The following SEPTIN3 variants were observed in gnomAD, a reference collection of about 807,000 sequenced individuals.
SEPTIN3 encodes the protein septin 3, also known as neuronal-specific septin-3.
SEPTIN3 carries 15 observed loss-of-function variants against 45.1 expected under a neutral mutation model. The observed-to-expected ratio is 0.33, with a 90% CI of 0.22 to 0.51. The LOEUF is 0.51. Ranked by LOEUF, SEPTIN3 falls within the 20% of genes least tolerant of loss-of-function variation. SEPTIN3 has a pLI of 0.97. For missense variants in SEPTIN3, 289 were observed against 457.2 expected (o/e 0.63, Z 3.35); for synonymous variants, 148 against 164.8 (o/e 0.90, Z 0.78).
chr22:41,982,081 C>A lies in SEPTIN3; in HGVS notation c.1696+245C>A, dbSNP rs77694682. On this transcript the variant is annotated intron_variant, in intron 3 of 11. Transcript: ENST00000644076. ...TCACCAGCTCGGTGTACACAGGCAG[C>A]CCCTTCACCACTCTGATCCTGCTTT... 7.0e-4 allele frequency: 368 copies of A among 528,150 alleles called. 2 individuals carry two copies. The highest frequency in any genetic ancestry group is 6.2e-3 in the African/African-American group (328 of 52,812). 32.7% of individuals were successfully genotyped at this position (528,150 alleles called of 1,614,324 possible). A position where few individuals can be genotyped will look rare whatever the true frequency, so the allele number is the denominator to read the frequency against.
In SEPTIN3 at chr22:41,994,826, C is replaced by T. The variant is rs2078397785; in HGVS notation, c.2505+112C>T. The T allele has an allele frequency of 6.9e-6, 11 of 1,603,998 alleles. No homozygotes were observed. The highest frequency in any genetic ancestry group is 8.5e-6 in the Non-Finnish European group (10 of 1,176,480). ...ACATCCCAAATACCACCACCAACCA[C>T]CTTCTTCCTCTCAACTCTGTCCCAC... On this transcript the variant is annotated intron_variant, in intron 11 of 11. Coordinates refer to ENST00000644076, the MANE Select transcript of SEPTIN3 (RefSeq NM_001363845.2). The surrounding 1 kb of genome is among the most constrained non-coding windows in gnomAD (Gnocchi z 4.2).
chr22:41,971,404 G>A (rs1168818106), intron 1 of SEPTIN3, 70 bp from the exon 2 acceptor site: 3 of 398,312 alleles, frequency 7.5e-6, no homozygotes, highest in Non-Finnish European at 8.8e-6. Flanking sequence ...GTCAGGAAGG[G>A]GAGAGCTGAG....
At chr22:41,993,257 C>T (rs187044951) in intron 9 of SEPTIN3, among the ~76,000 whole-genome samples, 11 of 152,106 alleles carry the variant, frequency 7.2e-5, no homozygotes, top group African/African-American at 1.7e-4. Context: ...ACCAAAGCAC[C>T]GGAAGCTCAG....
At chr22:41,969,754 C>T (rs2077939223) in intron 1 of SEPTIN3, 77 bp downstream of exon 1, 1 of 151,008 alleles carries the variant, frequency 6.6e-6, no homozygotes, top group African/African-American at 2.4e-5. Flanking sequence ...GGGGAAGGAC[C>T]AAGCAATCCA....
At chr22:41,970,704 CA>C (rs1462178436) in intron 1 of SEPTIN3, among the ~76,000 whole-genome samples, 1 of 152,208 alleles carries the variant, frequency 6.6e-6, no homozygotes, top group Non-Finnish European at 1.5e-5. Flanking sequence ...AGCCCCAGCT[CA>C]GGTCTAGCCT....
intron 2 of SEPTIN3, chr22:41,977,042 G>A: frequency 6.2e-7 from 1 of 1,600,008 alleles, no homozygotes. Context: ...TCTCCCTGGA[G>A]GAACGGAGAC....
At position 41,972,047 on chromosome 22, in the gene SEPTIN3, C is replaced by G. The variant is rs1228512086; in HGVS notation, c.555C>G (p.Pro185=). ...KSNRMLATEK[P]LVSSYLALPF... is the part of the protein sequence containing the mutation. ...ACAGGATGCTTGCCACGGAGAAGCC[C>G]CTGGTGAGTTCCTACCTAGCCTTAC... The change falls in exon 2 of 12, where the codon CCC becomes CCG. Residue 185 remains proline, a synonymous_variant. Coordinates refer to ENST00000644076, the MANE Select transcript of SEPTIN3 (RefSeq NM_001363845.2). 1 of 398,984 alleles carries G rather than the reference C, an allele frequency of 2.5e-6. No individual in the cohort carries two copies. Among genetic ancestry groups the G allele is most frequent in the Non-Finnish European group, 4.4e-6 (1 of 226,148 alleles). The allele number at this position is 398,984 out of a possible 1,614,324, so 24.7% of individuals were successfully genotyped here.
intron 5 of SEPTIN3, 140 bp from the exon 6 acceptor site, chr22:41,987,482 G>A (rs2078228798): frequency 4.2e-6 from 5 of 1,191,042 alleles, no homozygotes; most frequent in Admixed American, 2.1e-5. Context: ...CGGGGGCTGA[G>A]GGGGAATCTG....
At chr22:41,987,374 A>G (rs1569439291) in intron 5 of SEPTIN3, 87 bp downstream of exon 5, 25 of 1,286,274 alleles carry the variant, frequency 1.9e-5, no homozygotes, top group Middle Eastern at 1.9e-4. Context: ...GTTGAGAACC[A>G]TCTGCACCCT....
At chr22:41,973,544 G>T (rs1436764902) in intron 2 of SEPTIN3, among the ~76,000 whole-genome samples, 2 of 151,558 alleles carry the variant, frequency 1.3e-5, no homozygotes, top group Non-Finnish European at 2.9e-5. Context: ...GTGGTGGCGG[G>T]TGCCTGTAGT....
intron 2 of SEPTIN3, among the ~76,000 whole-genome samples, chr22:41,978,671 A>G (rs2078069806): frequency 1.3e-5 from 2 of 152,216 alleles, no homozygotes; most frequent in African/African-American, 2.4e-5. Flanking sequence ...CCTCAAGGGC[A>G]ACAACCTTGT....
chr22:41,981,531 C>T (rs2078119990), intron 2 of SEPTIN3, 114 bp from the exon 3 acceptor site: 1 of 871,654 alleles, frequency 1.1e-6, no homozygotes, highest in Admixed American at 2.7e-5. Flanking sequence ...ACTAAGATCC[C>T]TTCCAGGCCC....
At position 41,997,083 on chromosome 22, in the gene SEPTIN3, C is replaced by T. The variant is rs2078454726; in HGVS notation, c.*116C>T. The T allele has an allele frequency of 1.4e-5, 22 of 1,560,760 alleles. No homozygotes were observed. Among genetic ancestry groups the T allele is most frequent in the South Asian group, 1.2e-4 (10 of 85,238 alleles). On this transcript the variant is annotated 3_prime_UTR_variant, in exon 12 of 12. Coordinates refer to ENST00000644076, the MANE Select transcript of SEPTIN3 (RefSeq NM_001363845.2). ...CACCACCACAGCCCCTCTCAGCCCTCAGTAGGTGGGAGGGGCCAGCTGCCT... is the reference window on the plus strand; with the variant it reads ...CACCACCACAGCCCCTCTCAGCCCTTAGTAGGTGGGAGGGGCCAGCTGCCT...
rs369588003 is a variant in SEPTIN3 at position 41,994,781 on chromosome 22, C to T, written c.2505+67C>T. The T allele has an allele frequency of 4.8e-5, 77 of 1,613,500 alleles. No individual in the cohort carries two copies. The highest frequency in any genetic ancestry group is 6.3e-5 in the Non-Finnish European group (74 of 1,179,900). ...ACGACCACTTCTCTGTGTCATCACA[C>T]ATACCCACTTCACACACACACATCC... On this transcript the variant is annotated intron_variant, in intron 11 of 11. Coordinates refer to ENST00000644076, the MANE Select transcript of SEPTIN3 (RefSeq NM_001363845.2). This position sits in a 1 kb window ranked among gnomAD's most constrained non-coding sequence, Gnocchi z 4.2.
Position 41,971,728 on chromosome 22 carries a change from G to C in SEPTIN3, c.236G>C (p.Ser79Thr), listed in dbSNP as rs898172984. The change falls in exon 2 of 12, where the codon AGT (serine) becomes ACT (threonine). Residue 79 changes from serine (S) to threonine (T), a missense_variant. By Grantham distance (58) the Ser-to-Thr change is moderately conservative. Transcript: ENST00000644076. Reference sequence around the variant, plus strand: ...CTGGGCCTTGGAGCCAGGACCCGGAGTGTGCCCCCACAGGAGACGGGCATC... The same window carrying C: ...CTGGGCCTTGGAGCCAGGACCCGGACTGTGCCCCCACAGGAGACGGGCATC... ...SRLGLGARTR[S>T]VPPQETGIAL... The C allele has an allele frequency of 2.8e-5, 11 of 399,158 alleles. No homozygotes were observed. The highest frequency in any genetic ancestry group is 4.4e-5 in the Non-Finnish European group (10 of 226,274). The allele number at this position is 399,158 out of a possible 1,614,324, so 24.7% of individuals were successfully genotyped here.
rs150865799 is a variant in SEPTIN3, at chr22:41,972,842, C to G, written c.1350C>G (p.Thr450=). 2.5e-3 allele frequency: 994 copies of G among 399,160 alleles called. 6 individuals are homozygous for G. Among genetic ancestry groups the G allele is most frequent in the African/African-American group, 0.018 (889 of 48,730 alleles). The allele number at this position is 399,160 out of a possible 1,614,324, so 24.7% of individuals were successfully genotyped here. A position where few individuals can be genotyped will look rare whatever the true frequency, so the allele number is the denominator to read the frequency against. The part of the protein sequence containing the change: ...PVTPDPATGK[T]TLGSVNNLTI... ...CCCCAGACCCAGCCACTGGGAAGAC[C>G]ACACTGGGCAGTGTTAATAACCTAA... The change falls in exon 2 of 12, where the codon ACC becomes ACG. Residue 450 remains threonine (T), a synonymous_variant. Coordinates refer to ENST00000644076, the MANE Select transcript of SEPTIN3 (RefSeq NM_001363845.2).
At chr22:41,969,738 T>TGGGGTGGGGAA (rs2077938780) in intron 1 of SEPTIN3, 61 bp downstream of exon 1, 1 of 10,124 alleles carries the variant, frequency 9.9e-5, no homozygotes, top group African/African-American at 3.9e-4. Context: ...GTGGTGGGGG[T>TGGGGTGGGGAA]GGGGTGGGGA....
At chr22:41,984,595 G>A (rs1035116885) in intron 3 of SEPTIN3, among the ~76,000 whole-genome samples, 1 of 152,212 alleles carries the variant, frequency 6.6e-6, no homozygotes, top group African/African-American at 2.4e-5. Flanking sequence ...GAGTACAGTT[G>A]CGTGATCCCG....
chr22:41,972,363 C>G lies in SEPTIN3; in HGVS notation c.871C>G (p.Leu291Val). The G allele has an allele frequency of 2.5e-6, 1 of 399,188 alleles. No homozygotes were observed. The highest frequency in any genetic ancestry group is 4.4e-6 in the Non-Finnish European group (1 of 226,126). 24.7% of individuals were successfully genotyped at this position (399,188 alleles called of 1,614,324 possible). A position where few individuals can be genotyped will look rare whatever the true frequency, so the allele number is the denominator to read the frequency against. ...TTTAGCCACACCAAACACATCCCAACTGGACACAGGCACAGAGTTCCCTGC... is the reference window on the plus strand; with the variant it reads ...TTTAGCCACACCAAACACATCCCAAGTGGACACAGGCACAGAGTTCCCTGC... ...INLATPNTSQ[L>V]DTGTEFPALD... is the part of the protein sequence containing the mutation. Residue 291 changes from leucine to valine, a missense_variant, in exon 2 of 12, where the codon CTG becomes GTG. Physicochemically the swap from Leu to Val is conservative, Grantham distance 32 (BLOSUM62 1). Coordinates refer to ENST00000644076, the MANE Select transcript of SEPTIN3 (RefSeq NM_001363845.2).
Sources: gnomAD v4.1 joint callset for allele counts (sites outside exome capture counted in the v4.1 genomes callset) on GRCh38, gnomAD v4.1.1 for gene constraint, Gnocchi (gnomAD v3.1) non-coding constraint, MANE v1.5 for transcripts, NCBI Gene and HGNC (gene_info 2026-07-23, HGNC 2026-07-21) for gene names.